The following SPIDR variants were observed in gnomAD, a reference collection of about 807,000 sequenced individuals.
The protein encoded by SPIDR is DNA repair-scaffolding protein.
Under a neutral mutation model 104.6 loss-of-function variants are expected in SPIDR, and 93 were observed. The ratio of observed to expected loss-of-function variants is 0.89; its 90% CI spans 0.75 to 1.06. SPIDR has a LOEUF of 1.06. SPIDR is among the 50% of genes least tolerant of loss of function. The probability of loss-of-function intolerance (pLI) is 0.00; values close to 1 mark genes in which losing one functional copy is unlikely to be tolerated. For missense variants in SPIDR, 1,154 were observed against 1,111.2 expected (o/e 1.04, Z -0.55); for synonymous variants, 431 against 416.9 (o/e 1.03, Z -0.41).
intron 6 of SPIDR, among the ~76,000 whole-genome samples, chr8:47,406,985 C>T (rs73676337): frequency 2.6e-5 from 4 of 152,202 alleles, no homozygotes; most frequent in Middle Eastern, 3.4e-3. Flanking sequence ...CATTGATACC[C>T]GATATAGCAT....
intron 6 of SPIDR, among the ~76,000 whole-genome samples, chr8:47,402,110 AG>A (rs782343463): frequency 3.9e-5 from 6 of 152,234 alleles, no homozygotes; most frequent in Non-Finnish European, 7.3e-5. Context: ...CAAATGTAAA[AG>A]AACAGAAATT....
intron 10 of SPIDR, among the ~76,000 whole-genome samples, chr8:47,626,287 A>G (rs1278551207): frequency 1.3e-5 from 2 of 152,250 alleles, no homozygotes; most frequent in Non-Finnish European, 2.9e-5. Flanking sequence ...TAAAAACCCT[A>G]GAAGAAAACC....
intron 11 of SPIDR, among the ~76,000 whole-genome samples, chr8:47,680,212 C>G (rs1178060932): frequency 6.6e-6 from 1 of 152,148 alleles, no homozygotes; most frequent in Non-Finnish European, 1.5e-5. Flanking sequence ...GAATTTTTCA[C>G]AGGAAAAAAA....
chr8:47,646,212 CTAT>C (rs1169925750), intron 10 of SPIDR, among the ~76,000 whole-genome samples: 1 of 152,142 alleles, frequency 6.6e-6, no homozygotes, highest in Non-Finnish European at 1.5e-5. Context: ...TAAAATAACA[CTAT>C]TATTTTTCCC....
chr8:47,419,663 G>T (rs1175941327), intron 7 of SPIDR, among the ~76,000 whole-genome samples: 4 of 152,036 alleles, frequency 2.6e-5, no homozygotes, highest in Non-Finnish European at 4.4e-5. Context: ...TCTGCTAGCT[G>T]TTGAGTGTGT....
chr8:47,492,275 C>T (rs1001403276), intron 8 of SPIDR, among the ~76,000 whole-genome samples: 1 of 152,146 alleles, frequency 6.6e-6, no homozygotes, highest in South Asian at 2.1e-4. Flanking sequence ...GCCTGGACTG[C>T]ACCTACACAT....
intron 1 of SPIDR, among the ~76,000 whole-genome samples, chr8:47,276,586 TAATC>T (rs1233378374): frequency 2.0e-5 from 3 of 151,926 alleles, no homozygotes; most frequent in African/African-American, 7.3e-5. Context: ...AAGAAAAAAA[TAATC>T]AAAGGGAAAA....
At chr8:47,690,934 G>T (rs547922474) in intron 11 of SPIDR, among the ~76,000 whole-genome samples, 99 of 152,182 alleles carry the variant, frequency 6.5e-4, no homozygotes, top group Non-Finnish European at 1.2e-3. Context: ...AGTGCAAAGG[G>T]CTTAATTTCA....
chr8:47,268,523 T>G (rs2034567504), intron 1 of SPIDR, among the ~76,000 whole-genome samples: 1 of 152,260 alleles, frequency 6.6e-6, no homozygotes, highest in African/African-American at 2.4e-5. Flanking sequence ...GAAAAAGTCC[T>G]GCACTTCTTT....
chr8:47,678,247 AGAAATGAGGGTC>A (rs1162540586), intron 11 of SPIDR, among the ~76,000 whole-genome samples: 1 of 152,168 alleles, frequency 6.6e-6, no homozygotes, highest in East Asian at 1.9e-4. Flanking sequence ...TTGGTTCCAG[AGAAATGAGGGTC>A]GATATGAGTT....
intron 5 of SPIDR, among the ~76,000 whole-genome samples, chr8:47,341,766 A>T (rs1387854443): frequency 6.6e-6 from 1 of 152,226 alleles, no homozygotes; most frequent in Non-Finnish European, 1.5e-5. Context: ...GTGTGCATCC[A>T]GGAGCATTTT....
intron 1 of SPIDR, among the ~76,000 whole-genome samples, chr8:47,275,701 C>T (rs1283682230): frequency 2.0e-5 from 3 of 152,130 alleles, no homozygotes; most frequent in African/African-American, 7.2e-5. Flanking sequence ...GGTAGGAAAA[C>T]ATTAAAATAG....
At chr8:47,492,112 C>G (rs781889443) in intron 8 of SPIDR, among the ~76,000 whole-genome samples, 7 of 151,944 alleles carry the variant, frequency 4.6e-5, no homozygotes, top group Non-Finnish European at 8.8e-5. Flanking sequence ...CAGATTCACC[C>G]CTTCCCTGTG....
chr8:47,384,286 C>T (rs575331673), intron 5 of SPIDR, among the ~76,000 whole-genome samples: 7 of 152,210 alleles, frequency 4.6e-5, no homozygotes, highest in African/African-American at 9.6e-5. Context: ...TGTATATGTA[C>T]GTTTTTGTTA....
At chr8:47,684,843 C>T (rs2077539996) in intron 11 of SPIDR, among the ~76,000 whole-genome samples, 1 of 152,192 alleles carries the variant, frequency 6.6e-6, no homozygotes, top group African/African-American at 2.4e-5. Flanking sequence ...CATTGCTAGG[C>T]ATTGTCAATT....
intron 8 of SPIDR, among the ~76,000 whole-genome samples, chr8:47,525,147 G>A (rs2084776489): frequency 6.6e-6 from 1 of 152,192 alleles, no homozygotes; most frequent in African/African-American, 2.4e-5. Context: ...CCTGCCTGCT[G>A]TTAAAGTACA....
At chr8:47,420,597 A>T (rs1211997295) in intron 7 of SPIDR, among the ~76,000 whole-genome samples, 1 of 152,120 alleles carries the variant, frequency 6.6e-6, no homozygotes, top group Non-Finnish European at 1.5e-5. Flanking sequence ...TTTAATTGGC[A>T]CATTTAGCCC....
Position 47,506,633 on chromosome 8 carries a change from A to G in SPIDR, c.1097+66091A>G, listed in dbSNP as rs192216730. On this transcript the variant is annotated intron_variant, in intron 8 of 19. Coordinates refer to ENST00000297423, the MANE Select transcript of SPIDR (RefSeq NM_001080394.4). ...AGAGGAAGAAGTATGCATAATTATTAGACTTCTCATTTCTACAAGTGGTTA... is the reference window on the plus strand; with the variant it reads ...AGAGGAAGAAGTATGCATAATTATTGGACTTCTCATTTCTACAAGTGGTTA... Among the ~76,000 whole-genome samples the G allele has an allele frequency of 2.2e-3, 332 of 152,268 alleles. 1 individual carries two copies. Among genetic ancestry groups the G allele is most frequent in the Non-Finnish European group, 3.4e-3 (231 of 68,022 alleles).
chr8:47,308,236 G>A (rs1033391090), intron 5 of SPIDR, among the ~76,000 whole-genome samples: 7 of 150,762 alleles, frequency 4.6e-5, no homozygotes, highest in Non-Finnish European at 3.0e-5. Context: ...TAATTTTTGT[G>A]CTTCTTAGTA....
Sources: gnomAD v4.1 joint callset for allele counts (sites outside exome capture counted in the v4.1 genomes callset) on GRCh38, gnomAD v4.1.1 for gene constraint, MANE v1.5 for transcripts, NCBI Gene and HGNC (gene_info 2026-07-23, HGNC 2026-07-21) for gene names.